GOLPH3: variants seen among roughly 807,000 people sequenced by gnomAD.
The protein encoded by GOLPH3 is coat protein GPP34.
In GOLPH3, 14 loss-of-function variants were observed where a neutral mutation model predicts 28.5. The ratio of observed to expected loss-of-function variants is 0.49; its 90% confidence interval spans 0.32 to 0.77. GOLPH3 has a LOEUF of 0.77. Among genes scored for constraint, GOLPH3 ranks in the 30% least tolerant of loss-of-function variants. The pLI is 0.03. For missense variants in GOLPH3, 350 were observed against 393.7 expected, an observed-to-expected ratio of 0.89 and a Z score of 0.94; for synonymous variants, 158 against 159.2, an observed-to-expected ratio of 0.99 and a Z score of 0.06.
chr5:32,144,641 C>T (rs139849436), intron 1 of GOLPH3, among the ~76,000 whole-genome samples: 3 of 152,242 alleles, frequency 2.0e-5, no homozygotes, highest in Admixed American at 6.5e-5. Context: ...AACACACATG[C>T]GCCCACAAAC....
At chr5:32,132,528 C>T (rs1745844694) in intron 3 of GOLPH3, among the ~76,000 whole-genome samples, 1 of 152,204 alleles carries the variant, frequency 6.6e-6, no homozygotes, top group South Asian at 2.1e-4. Flanking sequence ...GTCAAACTCT[C>T]ATCTGTTCTA....
In GOLPH3 at chr5:32,135,595, T is replaced by C; in HGVS notation, c.449A>G (p.Gln150Arg). Residue 150 changes from glutamine (Q) to arginine (R), a missense_variant, in exon 3 of 4, where the codon CAG (glutamine) becomes CGG (arginine). Physicochemically the swap from Gln to Arg is conservative, Grantham distance 43. Transcript: ENST00000265070. ...VKETQPPETV[Q>R]NWIELLSGET... ...ACCACTAAGTAATTCAATCCAGTTC[T>C]GGACCGTTTCTGGAGGCTGAGTTTC... is the stretch of plus-strand genomic sequence containing the variant. 6.2e-7 allele frequency: 1 copy of C among 1,611,698 alleles called. No homozygotes were observed. Among genetic ancestry groups the C allele is most frequent in the Non-Finnish European group, 8.5e-7 (1 of 1,177,756 alleles).
intron 1 of GOLPH3, among the ~76,000 whole-genome samples, chr5:32,146,516 T>A (rs974952549): frequency 1.3e-5 from 2 of 152,112 alleles, no homozygotes; most frequent in African/African-American, 4.8e-5. Context: ...TATTGTTTAT[T>A]AAGTCCCCTA....
chr5:32,153,232 T>C (rs1199649491), intron 1 of GOLPH3, among the ~76,000 whole-genome samples: 1 of 152,152 alleles, frequency 6.6e-6, no homozygotes, highest in Non-Finnish European at 1.5e-5. Flanking sequence ...ATGTAGTCCA[T>C]TACCTTGTAT....
intron 1 of GOLPH3, among the ~76,000 whole-genome samples, chr5:32,153,363 G>C (rs1746352507): frequency 6.7e-6 from 1 of 149,294 alleles, no homozygotes; most frequent in African/African-American, 2.5e-5. Flanking sequence ...GTAGAAGAAA[G>C]ATGGAAATGA....
rs147383550 is a variant in GOLPH3, at chr5:32,144,577, C to T, written c.226-697G>A. On this transcript the variant is annotated intron_variant, in intron 1 of 3. Coordinates refer to ENST00000265070, the MANE Select transcript of GOLPH3 (RefSeq NM_022130.4). ...ACACTGCAGCCTGGGCAAAACAGTG[C>T]GACATTGTCTCTTAAATACACACAC... is the stretch of plus-strand genomic sequence containing the variant. 2.4e-3 allele frequency among the ~76,000 whole-genome samples: 373 copies of T among 152,266 alleles called. 2 individuals carry two copies. Among genetic ancestry groups the T allele is most frequent in the African/African-American group, 8.6e-3 (359 of 41,542 alleles).
In GOLPH3 at chr5:32,141,600, CCCACGGTCTCCCTCCTCTCCCTCTCTTT is replaced by C. The variant is rs1318196297; in HGVS notation, c.357+2121_357+2148del. On this transcript the variant is annotated intron_variant, in intron 2 of 3. Coordinates refer to ENST00000265070, the MANE Select transcript of GOLPH3 (RefSeq NM_022130.4). Reference sequence around the variant, plus strand: ...GACTCTCCCTCTCCCTCTCCCTCTCCCCACGGTCTCCCTCCTCTCCCTCTCTTTCCACGGTCTCCCTCTGATGCCGAGC... The same window carrying C: ...GACTCTCCCTCTCCCTCTCCCTCTCCCCACGGTCTCCCTCTGATGCCGAGC... Among the ~76,000 whole-genome samples, 978 of 149,396 alleles carry C rather than the reference CCCACGGTCTCCCTCCTCTCCCTCTCTTT, an allele frequency of 6.5e-3. 14 individuals carry two copies. The highest frequency in any genetic ancestry group is 0.023 in the African/African-American group (937 of 40,932).
chr5:32,173,788 GC>G, intron 1 of GOLPH3, 21 bp downstream of exon 1: 1 of 1,333,836 alleles, frequency 7.5e-7, no homozygotes, highest in Non-Finnish European at 9.6e-7. Flanking sequence ...GCCGCCCCCC[GC>G]CCAGCCCGCC....
At chr5:32,126,731 C>A in intron 3 of GOLPH3, 95 bp from the exon 4 acceptor site, 1 of 940,936 alleles carries the variant, frequency 1.1e-6, no homozygotes. Context: ...TGATTTTGCC[C>A]CAAGAAAAAC....
intron 2 of GOLPH3, among the ~76,000 whole-genome samples, chr5:32,142,385 A>G (rs1746089688): frequency 6.8e-6 from 1 of 147,788 alleles, no homozygotes; most frequent in African/African-American, 2.5e-5. Flanking sequence ...CCCGTCTGAG[A>G]AGTGAGGAGC....
At chr5:32,143,617 T>C (rs1000067752) in intron 2 of GOLPH3, 132 bp downstream of exon 2, 4 of 787,406 alleles carry the variant, frequency 5.1e-6, no homozygotes, top group East Asian at 5.9e-5. Context: ...GCAAAAAAGA[T>C]ATGGAAATAC....
At chr5:32,163,693 C>A (rs1746645943) in intron 1 of GOLPH3, among the ~76,000 whole-genome samples, 2 of 151,764 alleles carry the variant, frequency 1.3e-5, no homozygotes, top group African/African-American at 4.8e-5. Flanking sequence ...TTCTTTGTAA[C>A]CCCAGCATCT....
chr5:32,138,418 G>A (rs1386278161), intron 2 of GOLPH3, among the ~76,000 whole-genome samples: 1 of 151,334 alleles, frequency 6.6e-6, no homozygotes, highest in Non-Finnish European at 1.5e-5. Flanking sequence ...TAAGTTTTAG[G>A]GTACATGTGT....
intron 1 of GOLPH3, among the ~76,000 whole-genome samples, chr5:32,166,782 G>A (rs575161943): frequency 3.3e-5 from 5 of 150,590 alleles, no homozygotes; most frequent in East Asian, 1.9e-4. Flanking sequence ...ACTTCAGCCC[G>A]AGTGATAAAA....
At chr5:32,131,073 G>A (rs1181856313) in intron 3 of GOLPH3, among the ~76,000 whole-genome samples, 1 of 152,128 alleles carries the variant, frequency 6.6e-6, no homozygotes, top group Non-Finnish European at 1.5e-5. Flanking sequence ...AATAAAAAGG[G>A]ACCCAGCTAT....
intron 1 of GOLPH3, among the ~76,000 whole-genome samples, chr5:32,144,170 C>G (rs938317524): frequency 2.0e-5 from 3 of 152,158 alleles, no homozygotes; most frequent in African/African-American, 7.2e-5. Context: ...TAGGTTCTTT[C>G]AGAACCCTGC....
chr5:32,155,824 G>A (rs2111876744), intron 1 of GOLPH3, among the ~76,000 whole-genome samples: 1 of 151,686 alleles, frequency 6.6e-6, no homozygotes, highest in East Asian at 1.9e-4. Flanking sequence ...GGGCATGGTG[G>A]CGCATGCCTG....
intron 1 of GOLPH3, among the ~76,000 whole-genome samples, chr5:32,151,899 A>G (rs1435543483): frequency 3.3e-5 from 5 of 152,214 alleles, no homozygotes; most frequent in African/African-American, 1.2e-4. Context: ...TTCCACATAT[A>G]TGGGGTACCT....
In GOLPH3 at chr5:32,126,400, G is replaced by C; in HGVS notation, c.709C>G (p.Leu237Val). Residue 237 changes from leucine (L) to valine (V), a missense_variant, in exon 4 of 4, where the codon CTG becomes GTG. Leu to Val is a conservative substitution (Grantham distance 32, BLOSUM62 1). Coordinates refer to ENST00000265070, the MANE Select transcript of GOLPH3 (RefSeq NM_022130.4). ...NDPHRMDRRL[L>V]ALIYLAHASD... The stretch of plus-strand genomic sequence containing the variant: ...GCATGAGCCAGGTAAATGAGGGCCA[G>C]CAAGCGCCTGTCCATGCGGTGAGGG... 1 of 1,614,174 alleles carries C rather than the reference G, an allele frequency of 6.2e-7. No individual in the cohort carries two copies. Among genetic ancestry groups the C allele is most frequent in the Non-Finnish European group, 8.5e-7 (1 of 1,180,026 alleles).
Sources: gnomAD v4.1 joint callset for allele counts (sites outside exome capture counted in the v4.1 genomes callset) on GRCh38, gnomAD v4.1.1 for gene constraint, MANE v1.5 for transcripts, NCBI Gene and HGNC (gene_info 2026-07-23, HGNC 2026-07-21) for gene names.